RGS12: variants seen among roughly 807,000 people sequenced by gnomAD.
The protein encoded by RGS12 is regulator of G protein signaling 12.
A neutral mutation model predicts 120.1 loss-of-function variants in RGS12; 66 were observed. The observed-to-expected ratio is 0.55, with a 90% confidence interval of 0.45 to 0.67. The LOEUF (loss-of-function observed/expected upper bound fraction) is 0.67. RGS12 is among the 30% of genes least tolerant of loss of function. The probability of loss-of-function intolerance (pLI) is 0.00; values close to 1 mark genes in which losing one functional copy is unlikely to be tolerated. For missense variants in RGS12, 1,859 were observed against 1,957.7 expected, an observed-to-expected ratio of 0.95 and a Z score of 0.95; for synonymous variants, 827 against 804.7, an observed-to-expected ratio of 1.03 and a Z score of -0.47.
chr4:3,363,946 C>G (rs1356115711), intron 3 of RGS12, among the ~76,000 whole-genome samples: 1 of 152,126 alleles, frequency 6.6e-6, no homozygotes, highest in Non-Finnish European at 1.5e-5. Context: ...GCCCCCCAGG[C>G]TTGCAGAAGC....
chr4:3,412,412 A>G (rs1281532199), intron 4 of RGS12, among the ~76,000 whole-genome samples: 1 of 152,182 alleles, frequency 6.6e-6, no homozygotes, highest in African/African-American at 2.4e-5. Flanking sequence ...TGCCCCTGAG[A>G]GGAGTTGATG....
chr4:3,305,711 G>C (rs1221821399), intron 1 of RGS12, among the ~76,000 whole-genome samples: 1 of 152,132 alleles, frequency 6.6e-6, no homozygotes, highest in Non-Finnish European at 1.5e-5. Context: ...AGGAGCCTCA[G>C]GTGGGCCTCA....
At chr4:3,359,886 G>C (rs1368485498) in intron 3 of RGS12, among the ~76,000 whole-genome samples, 1 of 152,082 alleles carries the variant, frequency 6.6e-6, no homozygotes, top group Non-Finnish European at 1.5e-5. Context: ...GCCTCCCAAA[G>C]TGCTGGGATT....
intron 7 of RGS12, 83 bp downstream of exon 7, chr4:3,416,204 C>A: frequency 1.3e-6 from 2 of 1,487,008 alleles, no homozygotes; most frequent in Admixed American, 2.0e-5. Flanking sequence ...CACGTGCTAT[C>A]AGGCAGGCCA....
At chr4:3,351,217 C>A (rs781087710) in intron 3 of RGS12, among the ~76,000 whole-genome samples, 1 of 148,078 alleles carries the variant, frequency 6.8e-6, no homozygotes, top group Non-Finnish European at 1.5e-5. Flanking sequence ...TAAAAAAAAA[C>A]AACAAAATTT....
Position 3,414,142 on chromosome 4 carries a change from C to T in RGS12, c.2091C>T (p.Ser697=), listed in dbSNP as rs375553848. The part of the protein sequence containing the change: ...NSLSSNASLP[S]VQSCRRLRER... ...TGAGCAGCAATGCCAGCCTCCCCAGCGTGCAGAGCTGCCGGCGCCTGCGTG... is the reference window on the plus strand; with the variant it reads ...TGAGCAGCAATGCCAGCCTCCCCAGTGTGCAGAGCTGCCGGCGCCTGCGTG... Residue 697 remains serine, a synonymous_variant, in exon 5 of 18, where the codon AGC becomes AGT. Coordinates refer to ENST00000336727, the MANE Select transcript of RGS12 (RefSeq NM_001394154.1). 28 of 1,567,760 alleles carry T rather than the reference C, an allele frequency of 1.8e-5. No individual in the cohort carries two copies. In the East Asian group the frequency reaches 2.8e-4, roughly 16 times the overall value.
intron 3 of RGS12, among the ~76,000 whole-genome samples, chr4:3,344,306 C>T (rs1713579739): frequency 6.6e-6 from 1 of 152,136 alleles, no homozygotes; most frequent in Non-Finnish European, 1.5e-5. Context: ...TCTGGGCGGG[C>T]AGCAATCAGA....
In RGS12 at chr4:3,417,510, G is replaced by A. The variant is rs748651645; in HGVS notation, c.2730G>A (p.Gln910=). The change falls in exon 9 of 18, where the codon CAG becomes CAA. Residue 910 remains glutamine, a synonymous_variant. Coordinates refer to ENST00000336727, the MANE Select transcript of RGS12 (RefSeq NM_001394154.1). ...WSRTRSTGRS[Q]KKREHGDHAD... is the part of the protein sequence containing the mutation. ...GGACCAGGAGCACCGGGAGGTCCCA[G>A]AAAAAGAGGGAGCACGGGGACCACG... 1 of 1,613,272 alleles carries A rather than the reference G, an allele frequency of 6.2e-7. No homozygotes were observed.
At chr4:3,342,851 T>C (rs1280714753) in intron 2 of RGS12, 86 bp from the exon 3 acceptor site, 1 of 907,328 alleles carries the variant, frequency 1.1e-6, no homozygotes, top group African/African-American at 1.7e-5. Flanking sequence ...ACAGTATTCC[T>C]TGATTTTCTG....
At position 3,366,858 on chromosome 4, in the gene RGS12, C is replaced by G. The variant is rs1716361669; in HGVS notation, c.1999-19558C>G. Among the ~76,000 whole-genome samples the G allele has an allele frequency of 6.6e-6, 1 of 152,156 alleles. No individual in the cohort carries two copies. Among genetic ancestry groups the G allele is most frequent in the Non-Finnish European group, 1.5e-5 (1 of 68,028 alleles). ...TTGGCAGGTCCTGGAGACCCTGGGT[C>G]ACCCACAGGCCCCTTTGCCTTCACT... On this transcript the variant is annotated intron_variant, in intron 3 of 17. Coordinates refer to ENST00000336727, the MANE Select transcript of RGS12 (RefSeq NM_001394154.1). The surrounding 1 kb of genome is among the most constrained non-coding windows in gnomAD (Gnocchi z 4.0).
At chr4:3,359,831 C>T (rs1715390463) in intron 3 of RGS12, among the ~76,000 whole-genome samples, 1 of 152,008 alleles carries the variant, frequency 6.6e-6, no homozygotes, top group African/African-American at 2.4e-5. Context: ...CCATGTTGGC[C>T]AGGCTGGTCT....
rs1222512267 is a variant in RGS12, at chr4:3,350,735, A to G, written c.1998+7682A>G. ...AAGATTTATTTAAGTCACACGAACT[A>G]AAAAGCATTTGGGTTAATTACTATA... On this transcript the variant is annotated intron_variant, in intron 3 of 17. Transcript: ENST00000336727. 2.0e-5 allele frequency among the ~76,000 whole-genome samples: 3 copies of G among 152,240 alleles called. No homozygotes were observed. In the East Asian group the frequency reaches 5.8e-4, roughly 29 times the overall value.
At chr4:3,302,250 C>T (rs1358057702) in intron 1 of RGS12, among the ~76,000 whole-genome samples, 5 of 152,170 alleles carry the variant, frequency 3.3e-5, no homozygotes, top group Non-Finnish European at 7.3e-5. Flanking sequence ...GTCCTGTTCA[C>T]TTTTCCTGAA....
intron 4 of RGS12, among the ~76,000 whole-genome samples, chr4:3,397,902 C>G (rs1311635953): frequency 1.3e-5 from 2 of 152,080 alleles, no homozygotes; most frequent in African/African-American, 2.4e-5. Flanking sequence ...GTTTGAGAGG[C>G]AATAGGACAT....
rs773518438 is a variant in RGS12 at position 3,386,412 on chromosome 4, T to G, written c.1999-4T>G. ...AACTCATGTCTCTCTCTCTTTTCTT[T>G]CAGTCTGCAACTGTGTCTGATGGCG... On this transcript the variant is annotated splice_polypyrimidine_tract_variant and splice_region_variant and intron_variant, in intron 3 of 17. Coordinates refer to ENST00000336727, the MANE Select transcript of RGS12 (RefSeq NM_001394154.1). 1 of 1,612,540 alleles carries G rather than the reference T, an allele frequency of 6.2e-7. No individual in the cohort carries two copies. The highest frequency in any genetic ancestry group is 2.2e-5 in the East Asian group (1 of 44,878).
chr4:3,390,730 C>T lies in RGS12; in HGVS notation c.2020+4293C>T, dbSNP rs1719408224. Among the ~76,000 whole-genome samples the T allele has an allele frequency of 6.6e-6, 1 of 152,230 alleles. No homozygotes were observed. The highest frequency in any genetic ancestry group is 1.5e-5 in the Non-Finnish European group (1 of 68,050). ...TCTTGGGGCAAGTCACTTTCTCTCT[C>T]CTAGCCTTGTGTCTTCATCTCGCCG... On this transcript the variant is annotated intron_variant, in intron 4 of 17. Coordinates refer to ENST00000336727, the MANE Select transcript of RGS12 (RefSeq NM_001394154.1). The surrounding 1 kb of genome is among the most constrained non-coding windows in gnomAD (Gnocchi z 4.6).
intron 1 of RGS12, among the ~76,000 whole-genome samples, chr4:3,304,366 G>T (rs573907992): frequency 6.6e-6 from 1 of 152,302 alleles, no homozygotes; most frequent in Admixed American, 6.5e-5. Context: ...AGATTCAGGA[G>T]ACTAAAGCTA....
At position 3,376,247 on chromosome 4, in the gene RGS12, AACACAC is replaced by A. The variant is rs55666879; in HGVS notation, c.1999-10128_1999-10123del. Among the ~76,000 whole-genome samples the A allele has an allele frequency of 3.1e-3, 441 of 143,568 alleles. 1 individual carries two copies. The highest frequency in any genetic ancestry group is 4.6e-3 in the African/African-American group (177 of 38,118). 94.2% of individuals were successfully genotyped at this position (143,568 alleles called of 152,430 possible). Reference sequence around the variant, plus strand: ...TATTCAAGGTTGAAAAGCTCCTTGGAACACACACACACACACACACACACACACACA... The same window carrying A: ...TATTCAAGGTTGAAAAGCTCCTTGGAACACACACACACACACACACACACA... On this transcript the variant is annotated intron_variant, in intron 3 of 17. Transcript: ENST00000336727.
chr4:3,383,095 C>T (rs1718437065), intron 3 of RGS12, among the ~76,000 whole-genome samples: 2 of 152,068 alleles, frequency 1.3e-5, no homozygotes, highest in South Asian at 2.1e-4. Flanking sequence ...ATGTGGCTTC[C>T]AGGAGTGTTG....
Sources: allele counts gnomAD v4.1 joint callset (sites outside exome capture counted in the v4.1 genomes callset), GRCh38; gene constraint gnomAD v4.1.1; non-coding constraint Gnocchi (gnomAD v3.1); transcripts MANE v1.5; gene names NCBI Gene and HGNC (gene_info 2026-07-23, HGNC 2026-07-21).